Variants in CDK14 observed in about 807,000 individuals in gnomAD.
CDK14 encodes the protein cyclin dependent kinase 14.
In CDK14, 34 loss-of-function variants were observed where a neutral mutation model predicts 60.7. The ratio of observed to expected loss-of-function variants is 0.56; its 90% CI spans 0.43 to 0.75. The LOEUF (loss-of-function observed/expected upper bound fraction) is 0.75. Among genes scored for constraint, CDK14 ranks in the 30% least tolerant of loss-of-function variants. The pLI is 0.00. For synonymous variants in CDK14, 197 were observed against 203.7 expected, an observed-to-expected ratio of 0.97 and a Z score of 0.28; for missense variants, 482 against 564.1, an observed-to-expected ratio of 0.85 and a Z score of 1.47.
chr7:90,834,146 G>T (rs1790012580), intron 5 of CDK14, among the ~76,000 whole-genome samples: 1 of 152,118 alleles, frequency 6.6e-6, no homozygotes. Context: ...CATTTATTAA[G>T]TAAATGATCT....
chr7:90,674,225 T>G (rs1801153960), intron 2 of CDK14, among the ~76,000 whole-genome samples: 1 of 152,206 alleles, frequency 6.6e-6, no homozygotes, highest in African/African-American at 2.4e-5. Flanking sequence ...ATGCAGCCTT[T>G]GAAGCACAGC....
intron 4 of CDK14, among the ~76,000 whole-genome samples, chr7:90,760,123 T>C (rs2188242): frequency 0.65 from 99,088 of 152,022 alleles, 32,766 homozygotes; most frequent in East Asian, 0.96. Context: ...TAAACGACCT[T>C]ATAAATTGAG....
intron 11 of CDK14, among the ~76,000 whole-genome samples, chr7:91,055,242 A>C (rs1215852979): frequency 6.6e-6 from 1 of 152,236 alleles, no homozygotes; most frequent in African/African-American, 2.4e-5. Context: ...AAAAATAAAA[A>C]AGAAACAACC....
chr7:90,917,847 C>T, intron 8 of CDK14, 123 bp downstream of exon 8: 1 of 945,044 alleles, frequency 1.1e-6, no homozygotes, highest in Non-Finnish European at 1.5e-6. Context: ...TTTTTTTTTT[C>T]TGAAATGAAG....
At chr7:91,123,687 G>A (rs555163988) in intron 14 of CDK14, among the ~76,000 whole-genome samples, 31 of 151,910 alleles carry the variant, frequency 2.0e-4, no homozygotes, top group Admixed American at 5.9e-4. Flanking sequence ...ATGCAAGTTT[G>A]TTTCTTCTCT....
intron 2 of CDK14, among the ~76,000 whole-genome samples, chr7:90,676,616 C>T (rs1011274713): frequency 4.6e-5 from 7 of 151,372 alleles, no homozygotes. Context: ...CACTGCAGCC[C>T]CAACCTTTTG....
At chr7:91,056,507 A>G (rs764114607) in intron 11 of CDK14, among the ~76,000 whole-genome samples, 1 of 152,114 alleles carries the variant, frequency 6.6e-6, no homozygotes, top group Non-Finnish European at 1.5e-5. Flanking sequence ...TGCTGCACCC[A>G]TTAACTCATC....
rs138156688 is a variant in CDK14, at chr7:90,854,755, T to G, written c.545-8420T>G. Among the ~76,000 whole-genome samples, 221 of 152,212 alleles carry G rather than the reference T, an allele frequency of 1.5e-3. 1 individual carries two copies. Among genetic ancestry groups the G allele is most frequent in the African/African-American group, 5.2e-3 (215 of 41,528 alleles). On this transcript the variant is annotated intron_variant, in intron 5 of 14. Transcript: ENST00000380050. The stretch of plus-strand genomic sequence containing the variant: ...AATAGTTAAAATGAAGCAAACTGCC[T>G]AACGGCTTTTAAACCTAGTTTTTAT...
At chr7:91,009,901 A>G (rs1796100380) in intron 10 of CDK14, among the ~76,000 whole-genome samples, 1 of 151,994 alleles carries the variant, frequency 6.6e-6, no homozygotes, top group African/African-American at 2.4e-5. Context: ...CAGAGGTTTT[A>G]TAGTTTTAGG....
intron 9 of CDK14, among the ~76,000 whole-genome samples, chr7:90,966,080 C>T (rs940217922): frequency 1.3e-5 from 2 of 152,020 alleles, no homozygotes; most frequent in African/African-American, 2.4e-5. Flanking sequence ...TCTTGAATTT[C>T]TTTTTTAAAA....
chr7:91,031,243 C>T (rs1796750420), intron 10 of CDK14, among the ~76,000 whole-genome samples: 3 of 152,066 alleles, frequency 2.0e-5, no homozygotes, highest in Admixed American at 6.5e-5. Context: ...AAGATGATTG[C>T]TGCTAGGCTT....
chr7:90,875,264 T>C (rs992233356), intron 6 of CDK14, among the ~76,000 whole-genome samples: 1 of 152,272 alleles, frequency 6.6e-6, no homozygotes, highest in African/African-American at 2.4e-5. Context: ...TCAATTACTG[T>C]ACATGTGGGG....
At chr7:91,070,596 C>G (rs1562891747) in intron 11 of CDK14, among the ~76,000 whole-genome samples, 1 of 151,752 alleles carries the variant, frequency 6.6e-6, no homozygotes, top group Non-Finnish European at 1.5e-5. Flanking sequence ...TCACCTCTAC[C>G]AAAAAAATTT....
At chr7:90,633,111 T>A (rs1054140175) in intron 2 of CDK14, among the ~76,000 whole-genome samples, 14 of 122,172 alleles carry the variant, frequency 1.1e-4, no homozygotes, top group African/African-American at 1.6e-4. Flanking sequence ...AAAAAAAAAA[T>A]TGTTTTGCAG....
At chr7:90,794,703 G>T (rs1045869733) in intron 5 of CDK14, among the ~76,000 whole-genome samples, 1 of 152,024 alleles carries the variant, frequency 6.6e-6, no homozygotes, top group Non-Finnish European at 1.5e-5. Flanking sequence ...TAAACAATTT[G>T]TGCAGTTAAC....
At chr7:91,062,368 C>A (rs928552006) in intron 11 of CDK14, among the ~76,000 whole-genome samples, 8 of 152,164 alleles carry the variant, frequency 5.3e-5, no homozygotes, top group African/African-American at 1.7e-4. Flanking sequence ...GATGCCTCTA[C>A]CTGCTTCGGC....
At chr7:91,122,897 G>C (rs926274749) in intron 14 of CDK14, among the ~76,000 whole-genome samples, 2 of 152,182 alleles carry the variant, frequency 1.3e-5, no homozygotes, top group Non-Finnish European at 2.9e-5. Context: ...GTCAGGCTCT[G>C]AGCCCTGATC....
chr7:91,165,454 C>T (rs1174347972), intron 14 of CDK14, among the ~76,000 whole-genome samples: 2 of 151,544 alleles, frequency 1.3e-5, no homozygotes, highest in African/African-American at 2.4e-5. Context: ...ATTTAATCTC[C>T]GTGGGGCCTC....
chr7:91,167,725 C>T (rs1801388395), intron 14 of CDK14, among the ~76,000 whole-genome samples: 1 of 152,168 alleles, frequency 6.6e-6, no homozygotes, highest in Admixed American at 6.5e-5. Flanking sequence ...CAGCCGACTG[C>T]CTACATGTGA....
Sources: allele counts gnomAD v4.1 joint callset (sites outside exome capture counted in the v4.1 genomes callset), GRCh38; gene constraint gnomAD v4.1.1; transcripts MANE v1.5; gene names NCBI Gene and HGNC (gene_info 2026-07-23, HGNC 2026-07-21).